TSHZ3: variants seen among roughly 807,000 people sequenced by gnomAD.
TSHZ3 encodes the protein teashirt homolog 3.
Under a neutral mutation model 64.5 loss-of-function variants are expected in TSHZ3, and 10 were observed. That is an observed-to-expected ratio of 0.16 (90% CI 0.10 to 0.26). TSHZ3 has a LOEUF of 0.26. Ranked by LOEUF, TSHZ3 falls within the 10% of genes least tolerant of loss-of-function variation. The pLI, the probability that TSHZ3 is intolerant of heterozygous loss-of-function variation, is 1.00. For synonymous variants in TSHZ3, 608 were observed against 593.1 expected, an observed-to-expected ratio of 1.03 and a Z score of -0.36; for missense variants, 1,242 against 1,421.7, an observed-to-expected ratio of 0.87 and a Z score of 2.03.
chr19:31,263,501 C>T (rs1283197363), intron 1 of TSHZ3, among the ~76,000 whole-genome samples: 2 of 152,220 alleles, frequency 1.3e-5, no homozygotes, highest in African/African-American at 4.8e-5. Context: ...TGCCTTCTCC[C>T]CAGCTGGAGT....
At chr19:31,169,319 C>T (rs1821063198) in intron 5 of TSHZ3, among the ~76,000 whole-genome samples, 1 of 152,192 alleles carries the variant, frequency 6.6e-6, no homozygotes. Flanking sequence ...TACTTGTACA[C>T]CCATGTTCAT....
At position 31,307,658 on chromosome 19, in the gene TSHZ3, G is replaced by A. The variant is rs189892082; in HGVS notation, c.41-27906C>T. Among the ~76,000 whole-genome samples the A allele has an allele frequency of 1.6e-4, 25 of 152,312 alleles. No homozygotes were observed. In the East Asian group the frequency reaches 4.0e-3, roughly 25 times the overall value. On this transcript the variant is annotated intron_variant, in intron 1 of 1. Coordinates refer to ENST00000240587, the MANE Select transcript of TSHZ3 (RefSeq NM_020856.4). Reference sequence around the variant, plus strand: ...ACAAAGCCTTAACAGAAATGTTACCGAGGAAATAATAGCCATTTCCAATGA... The same window carrying A: ...ACAAAGCCTTAACAGAAATGTTACCAAGGAAATAATAGCCATTTCCAATGA...
intron 5 of TSHZ3, among the ~76,000 whole-genome samples, chr19:31,161,077 G>A (rs1974368775): frequency 6.6e-6 from 1 of 151,920 alleles, no homozygotes; most frequent in South Asian, 2.1e-4. Context: ...ATATATCTTT[G>A]CGTGCGTGTG....
At chr19:31,345,690 T>A (rs1418005123) in intron 1 of TSHZ3, among the ~76,000 whole-genome samples, 3 of 151,914 alleles carry the variant, frequency 2.0e-5, no homozygotes, top group African/African-American at 4.8e-5. Context: ...TTTGTTTGGT[T>A]TTTTTTTCTT....
intron 3 of TSHZ3, among the ~76,000 whole-genome samples, chr19:31,230,445 A>T (rs1049725394): frequency 6.6e-6 from 1 of 152,214 alleles, no homozygotes; most frequent in African/African-American, 2.4e-5. Flanking sequence ...TGCAATAAAA[A>T]TGTATTACTT....
chr19:31,204,283 C>A (rs1975130941), intron 5 of TSHZ3, among the ~76,000 whole-genome samples: 1 of 151,802 alleles, frequency 6.6e-6, no homozygotes, highest in Admixed American at 6.6e-5. Flanking sequence ...TCCCTCTCTT[C>A]CTTCCTTTTT....
chr19:31,281,435 C>G (rs1425522446), intron 1 of TSHZ3, among the ~76,000 whole-genome samples: 2 of 152,176 alleles, frequency 1.3e-5, no homozygotes, highest in Non-Finnish European at 2.9e-5. Context: ...CAGGTACACA[C>G]ATCAGCTGCA....
intron 1 of TSHZ3, among the ~76,000 whole-genome samples, chr19:31,297,833 AG>A: frequency 6.6e-6 from 1 of 152,274 alleles, no homozygotes; most frequent in Admixed American, 6.5e-5. Context: ...AAACCAGGAT[AG>A]GTACAACCCC....
intron 4 of TSHZ3, among the ~76,000 whole-genome samples, chr19:31,212,373 A>T (rs1975268667): frequency 6.6e-6 from 1 of 152,022 alleles, no homozygotes; most frequent in East Asian, 1.9e-4. Flanking sequence ...CTGGAGAATC[A>T]CTTGAACCTG....
Position 31,155,830 on chromosome 19 carries a change from G to A in TSHZ3, n.871+526C>T, listed in dbSNP as rs79153060. Among the ~76,000 whole-genome samples, 380 of 152,248 alleles carry A rather than the reference G, an allele frequency of 2.5e-3. 1 individual carries two copies. The highest frequency in any genetic ancestry group is 8.0e-3 in the African/African-American group (332 of 41,530). On this transcript the variant is annotated intron_variant and non_coding_transcript_variant, in intron 6 of 6. Transcript: ENST00000651361. ...CCTCTAACTTGTTTTCCAGGACACC[G>A]ATCTAATGGCCTCAGAGAGCAAGGG...
chr19:31,331,116 G>A (rs569756145), intron 1 of TSHZ3, among the ~76,000 whole-genome samples: 2 of 152,234 alleles, frequency 1.3e-5, no homozygotes, highest in Non-Finnish European at 2.9e-5. Flanking sequence ...GGAGGGAAAC[G>A]GCGCATGTAA....
chr19:31,223,465 A>G (rs976840615), intron 4 of TSHZ3, among the ~76,000 whole-genome samples: 2 of 152,016 alleles, frequency 1.3e-5, no homozygotes, highest in African/African-American at 4.8e-5. Context: ...ACAAGAAAAA[A>G]AAAGTAGGTA....
rs375068074 is a variant in TSHZ3, at chr19:31,261,038, C to T, written n.64-18163G>A. Among the ~76,000 whole-genome samples the T allele has an allele frequency of 3.3e-4, 50 of 152,248 alleles. No homozygotes were observed. The East Asian group carries it at 6.0e-3, about 18-fold the overall frequency. ...GGATGCCTGCATTCTCCTAGAGGAC[C>T]TTTCAGGCTGCACTCTTGGCTCAAG... is the stretch of plus-strand genomic sequence containing the variant. On this transcript the variant is annotated intron_variant and non_coding_transcript_variant, in intron 1 of 6. Transcript: ENST00000651361.
chr19:31,298,037 T>C (rs1301490327), intron 1 of TSHZ3, among the ~76,000 whole-genome samples: 1 of 152,170 alleles, frequency 6.6e-6, no homozygotes, highest in Non-Finnish European at 1.5e-5. Flanking sequence ...TAGAGCTGTA[T>C]GGAGCTCCTG....
chr19:31,223,382 G>A (rs1975417115), intron 4 of TSHZ3, among the ~76,000 whole-genome samples: 1 of 151,632 alleles, frequency 6.6e-6, no homozygotes, highest in Non-Finnish European at 1.5e-5. Flanking sequence ...GTGTGTGTGT[G>A]TGTGTGTGTG....
intron 5 of TSHZ3, among the ~76,000 whole-genome samples, chr19:31,157,424 G>T (rs1232486189): frequency 6.6e-6 from 1 of 152,114 alleles, no homozygotes; most frequent in Admixed American, 6.5e-5. Flanking sequence ...GCCACTTTTT[G>T]CTCTAAAAGG....
Position 31,300,564 on chromosome 19 carries a change from G to A in TSHZ3, c.41-20812C>T, listed in dbSNP as rs115241360. ...AATTCCTAGGGAGGGATGGCCCCAG[G>A]AGAGCTGGCCCAGGTCCAGGCCTCT... On this transcript the variant is annotated intron_variant, in intron 1 of 1. Transcript: ENST00000240587. Among the ~76,000 whole-genome samples the A allele has an allele frequency of 3.8e-3, 581 of 152,260 alleles. 2 individuals carry two copies. The highest frequency in any genetic ancestry group is 0.013 in the African/African-American group (557 of 41,556).
Position 31,349,372 on chromosome 19 carries a change from C to A in TSHZ3, c.-153G>T, listed in dbSNP as rs956260904. The A allele has an allele frequency of 3.1e-5, 18 of 579,220 alleles. No individual in the cohort carries two copies. Among genetic ancestry groups the A allele is most frequent in the Non-Finnish European group, 4.5e-5 (17 of 381,092 alleles). The allele number at this position is 579,220 out of a possible 1,614,324, so 35.9% of individuals were successfully genotyped here. ...GCCGCCCGCAGGATGCTGCTGCGCCCAGGCTCTCCGCGTCCCCCCCGCGCC... is the reference window on the plus strand; with the variant it reads ...GCCGCCCGCAGGATGCTGCTGCGCCAAGGCTCTCCGCGTCCCCCCCGCGCC... On this transcript the variant is annotated 5_prime_UTR_variant, in exon 1 of 2. Transcript: ENST00000240587.
intron 1 of TSHZ3, among the ~76,000 whole-genome samples, chr19:31,243,493 A>C (rs1975723039): frequency 6.6e-6 from 1 of 152,180 alleles, no homozygotes; most frequent in African/African-American, 2.4e-5. Context: ...CATGCATGGT[A>C]TCCTATATCA....
Sources: gnomAD v4.1 joint callset for allele counts (sites outside exome capture counted in the v4.1 genomes callset) on GRCh38, gnomAD v4.1.1 for gene constraint, MANE v1.5 for transcripts, NCBI Gene and HGNC (gene_info 2026-07-23, HGNC 2026-07-21) for gene names.